Variants in NLGN1 observed in about 807,000 individuals in gnomAD.
NLGN1 encodes neuroligin 1.
In NLGN1, 12 loss-of-function variants were observed where a neutral mutation model predicts 65.5. The ratio of observed to expected loss-of-function variants is 0.18; its 90% CI spans 0.12 to 0.30. The LOEUF (loss-of-function observed/expected upper bound fraction) is 0.30. Among genes scored for constraint, NLGN1 ranks in the 10% least tolerant of loss-of-function variants. The pLI is 1.00. For synonymous variants in NLGN1, 350 were observed against 359.5 expected, an observed-to-expected ratio of 0.97 and a Z score of 0.30; for missense variants, 750 against 1,007.1, an observed-to-expected ratio of 0.74 and a Z score of 3.46.
At chr3:173,876,375 A>C (rs1441891354) in intron 4 of NLGN1, among the ~76,000 whole-genome samples, 1 of 152,188 alleles carries the variant, frequency 6.6e-6, no homozygotes, top group Non-Finnish European at 1.5e-5. Flanking sequence ...AGATTTAATT[A>C]ATTCTAATTA....
At chr3:173,981,518 A>C (rs906255307) in intron 4 of NLGN1, among the ~76,000 whole-genome samples, 3 of 152,172 alleles carry the variant, frequency 2.0e-5, no homozygotes, top group Non-Finnish European at 4.4e-5. Flanking sequence ...TCTATATTAC[A>C]TTAAAGCAGG....
At chr3:173,516,302 A>G (rs115993399) in intron 2 of NLGN1, among the ~76,000 whole-genome samples, 1,632 of 152,160 alleles carry the variant, frequency 0.011, 33 homozygotes, top group African/African-American at 0.037. Context: ...ACTGAAATCA[A>G]TATGTCTAAT....
At chr3:173,567,764 A>G (rs527393011) in intron 2 of NLGN1, among the ~76,000 whole-genome samples, 4 of 152,040 alleles carry the variant, frequency 2.6e-5, no homozygotes, top group South Asian at 2.1e-4. Flanking sequence ...CTCTGGGATT[A>G]TTCTTTTGGA....
intron 3 of NLGN1, among the ~76,000 whole-genome samples, chr3:173,637,835 A>G (rs1182622399): frequency 2.0e-5 from 3 of 152,220 alleles, no homozygotes; most frequent in Non-Finnish European, 2.9e-5. Context: ...TACATAGGAT[A>G]TAAACTTCAA....
At chr3:173,629,688 A>G (rs908255718) in intron 3 of NLGN1, among the ~76,000 whole-genome samples, 1 of 151,934 alleles carries the variant, frequency 6.6e-6, no homozygotes, top group African/African-American at 2.4e-5. Context: ...CTATTAGACA[A>G]CTCCTTTGAA....
chr3:173,522,710 G>T (rs1014077797), intron 2 of NLGN1, among the ~76,000 whole-genome samples: 1 of 152,134 alleles, frequency 6.6e-6, no homozygotes, highest in South Asian at 2.1e-4. Flanking sequence ...TGCGATTACA[G>T]GTGTGAGCCA....
At chr3:173,399,489 A>G (rs1717254500) in intron 1 of NLGN1, 1 of 152,132 alleles carries the variant, frequency 6.6e-6, no homozygotes, top group Non-Finnish European at 1.5e-5. Flanking sequence ...GTAATAACAT[A>G]TTTTCAAATG....
chr3:174,257,818 G>T (rs1387610158), intron 4 of NLGN1, among the ~76,000 whole-genome samples: 1 of 151,070 alleles, frequency 6.6e-6, no homozygotes, highest in Non-Finnish European at 1.5e-5. Context: ...ATGTGTGATG[G>T]TTAATACTGA....
intron 2 of NLGN1, among the ~76,000 whole-genome samples, chr3:173,544,663 G>A (rs1739465616): frequency 6.6e-6 from 1 of 151,894 alleles, no homozygotes; most frequent in African/African-American, 2.4e-5. Context: ...TTATAAGAAA[G>A]ACCAGGAAAA....
chr3:173,749,004 GA>G (rs952707450), intron 3 of NLGN1, among the ~76,000 whole-genome samples: 2 of 151,816 alleles, frequency 1.3e-5, no homozygotes, highest in Non-Finnish European at 2.9e-5. Flanking sequence ...CATTATGAAG[GA>G]AAAAAAGCAG....
chr3:174,273,032 T>TAAAC lies in NLGN1; in HGVS notation c.647-2281_647-2278dup, dbSNP rs1441041858. ...TTTTTTTTACAGCACTGTTGTTATATAAACACAAAGCTATTTGACTAAAGA... is the reference window on the plus strand; with the variant it reads ...TTTTTTTTACAGCACTGTTGTTATATAAACAAACACAAAGCTATTTGACTAAAGA... On this transcript the variant is annotated intron_variant, in intron 4 of 6. Transcript: ENST00000457714. Among the ~76,000 whole-genome samples the TAAAC allele has an allele frequency of 3.3e-5, 5 of 151,702 alleles. No individual in the cohort carries two copies. The East Asian group carries it at 5.8e-4, about 18-fold the overall frequency.
intron 4 of NLGN1, among the ~76,000 whole-genome samples, chr3:173,957,581 G>A (rs1712410876): frequency 6.6e-6 from 1 of 152,138 alleles, no homozygotes; most frequent in Non-Finnish European, 1.5e-5. Context: ...TTTTTAGGCA[G>A]CTAAACAATC....
At chr3:174,105,273 C>G (rs1290532701) in intron 4 of NLGN1, among the ~76,000 whole-genome samples, 1 of 152,114 alleles carries the variant, frequency 6.6e-6, no homozygotes, top group East Asian at 1.9e-4. Context: ...GACATGGTGG[C>G]TCATGCCTGT....
intron 4 of NLGN1, among the ~76,000 whole-genome samples, chr3:173,872,586 A>G (rs1459130533): frequency 6.6e-6 from 1 of 152,150 alleles, no homozygotes; most frequent in African/African-American, 2.4e-5. Flanking sequence ...CCCCTGAAGC[A>G]TCTTAGTTCC....
intron 2 of NLGN1, among the ~76,000 whole-genome samples, chr3:173,439,956 T>A (rs1351683344): frequency 1.3e-5 from 2 of 152,182 alleles, no homozygotes; most frequent in Non-Finnish European, 2.9e-5. Flanking sequence ...AAGATTTCTT[T>A]GTATCATGCA....
chr3:174,262,532 T>G (rs1363905080), intron 4 of NLGN1, among the ~76,000 whole-genome samples: 1 of 136,520 alleles, frequency 7.3e-6, no homozygotes, highest in Non-Finnish European at 1.6e-5. Flanking sequence ...GGTGGTGATA[T>G]CCCCTTTATC....
chr3:174,146,095 TC>T (rs1723185801), intron 4 of NLGN1, among the ~76,000 whole-genome samples: 1 of 52,822 alleles, frequency 1.9e-5, no homozygotes, highest in African/African-American at 1.7e-4. Flanking sequence ...TCTACTCTTT[TC>T]CTTCCTTCCT....
intron 4 of NLGN1, among the ~76,000 whole-genome samples, chr3:174,212,155 A>G (rs1736756287): frequency 6.6e-6 from 1 of 152,186 alleles, no homozygotes; most frequent in Non-Finnish European, 1.5e-5. Context: ...AATGGAGCAC[A>G]GCGCCGGTGG....
chr3:173,936,002 A>G (rs905151341), intron 4 of NLGN1, among the ~76,000 whole-genome samples: 3 of 151,976 alleles, frequency 2.0e-5, no homozygotes, highest in African/African-American at 7.2e-5. Context: ...CAAGGATAAT[A>G]CCTCATGGAG....
Sources: gnomAD v4.1 joint callset for allele counts (sites outside exome capture counted in the v4.1 genomes callset) on GRCh38, gnomAD v4.1.1 for gene constraint, MANE v1.5 for transcripts, NCBI Gene and HGNC (gene_info 2026-07-23, HGNC 2026-07-21) for gene names.